ACTRT1: variants seen among roughly 807,000 people sequenced by gnomAD.
ACTRT1 encodes actin related protein T1.
A neutral mutation model predicts 1.4 loss-of-function variants in ACTRT1; 1 was observed. That is an observed-to-expected ratio of 0.69 (90% CI 0.25 to 3.28). ACTRT1 has a LOEUF of 3.28. Among genes scored for constraint, ACTRT1 ranks in the 30% most tolerant of loss-of-function variants. The probability of loss-of-function intolerance (pLI) is 0.20; values close to 1 mark genes in which losing one functional copy is unlikely to be tolerated. For synonymous variants in ACTRT1, 121 were observed against 115.2 expected, an observed-to-expected ratio of 1.05 and a Z score of -0.32; for missense variants, 334 against 291.5, an observed-to-expected ratio of 1.15 and a Z score of -1.06.
At position 128,052,320 on chromosome X, in the gene ACTRT1, A is replaced by G; in HGVS notation, c.-114T>C. ...TAAACTTCAGGGTTCTGAAGTTTCAAGTTGTCACCCATGTACAGCTAGTAG... is the reference window on the plus strand; with the variant it reads ...TAAACTTCAGGGTTCTGAAGTTTCAGGTTGTCACCCATGTACAGCTAGTAG... On this transcript the variant is annotated 5_prime_UTR_variant, in exon 1 of 1. Transcript: ENST00000371124. 1.2e-6 allele frequency: 1 copy of G among 867,832 alleles called. No individual in the cohort carries two copies. The highest frequency in any genetic ancestry group is 1.6e-6 in the Non-Finnish European group (1 of 623,221). 71.5% of individuals were successfully genotyped at this position (867,832 alleles called of 1,213,427 possible).
Position 128,052,182 on chromosome X carries a change from C to A in ACTRT1, c.25G>T (p.Val9Phe). The A allele has an allele frequency of 8.3e-7, 1 of 1,200,564 alleles. No homozygotes were observed. Among genetic ancestry groups the A allele is most frequent in the Non-Finnish European group, 1.1e-6 (1 of 889,733 alleles). Reference sequence around the variant, plus strand: ...CCATTGTCAAAAATTACAGCAGGAACATCTAATGCATGTGGATTAAACATG... The same window carrying A: ...CCATTGTCAAAAATTACAGCAGGAAAATCTAATGCATGTGGATTAAACATG... MFNPHALD[V>F]PAVIFDNGSG... Residue 9 changes from valine (V) to phenylalanine (F), a missense_variant, in exon 1 of 1, where the codon GTT (valine) becomes TTT (phenylalanine). Coordinates refer to ENST00000371124, the MANE Select transcript of ACTRT1 (RefSeq NM_138289.4).
At position 128,052,054 on chromosome X, in the gene ACTRT1, A is replaced by G; in HGVS notation, c.153T>C (p.Leu51=). The part of the protein sequence containing the change: ...HCKFNVPLAR[L]NQKYFVGQEA... ...CTTGCCCCACGAAGTACTTCTGATT[A>G]AGTCTTGCTAAAGGCACATTGAATT... is the stretch of plus-strand genomic sequence containing the variant. The change falls in exon 1 of 1, where the codon CTT becomes CTC. Residue 51 remains leucine, a synonymous_variant. Transcript: ENST00000371124. 1 of 1,211,796 alleles carries G rather than the reference A, an allele frequency of 8.3e-7. No individual in the cohort carries two copies. Among genetic ancestry groups the G allele is most frequent in the Non-Finnish European group, 1.1e-6 (1 of 895,542 alleles).
chrX:128,051,069 A>C lies in ACTRT1; in HGVS notation c.*7T>G. On this transcript the variant is annotated 3_prime_UTR_variant, in exon 1 of 1. Transcript: ENST00000371124. ...CACTTCAAGATGTCTCCTCTGCTCA[A>C]GGATCTTTAAAAGCACCTTCTTTGA... 1 of 1,203,541 alleles carries C rather than the reference A, an allele frequency of 8.3e-7. No homozygotes were observed. Among genetic ancestry groups the C allele is most frequent in the Non-Finnish European group, 1.1e-6 (1 of 890,457 alleles).
At position 128,051,731 on chromosome X, in the gene ACTRT1, C is replaced by T; in HGVS notation, c.476G>A (p.Gly159Glu). The T allele has an allele frequency of 8.3e-7, 1 of 1,211,203 alleles. No individual in the cohort carries two copies. The highest frequency in any genetic ancestry group is 1.1e-6 in the Non-Finnish European group (1 of 895,393). The change falls in exon 1 of 1, where the codon GGA (glycine) becomes GAA (glutamate). Residue 159 changes from glycine to glutamate, a missense_variant. Transcript: ENST00000371124. ...GGGGACAGTGCAAGTGACCCCATCT[C>T]CACTGTCCACCACCAGGCCTGTGAC... ...ACVTGLVVDS[G>E]DGVTCTVPIF...
rs201425054 is a variant in ACTRT1, at chrX:128,051,880, G to A, written c.327C>T (p.Thr109=). The A allele has an allele frequency of 3.1e-5, 37 of 1,209,640 alleles. No homozygotes were observed. Among genetic ancestry groups the A allele is most frequent in the South Asian group, 5.3e-5 (3 of 56,793 alleles). ...TTTCCCTAGGATTCAAAGAGGGCTC[G>A]GTCATAAGTACAGGCTGTTGGCTGG... ...VKPSQQPVLM[T]EPSLNPREIR... Residue 109 remains threonine, a synonymous_variant, in exon 1 of 1, where the codon ACC becomes ACT. Transcript: ENST00000371124.
Position 128,051,657 on chromosome X carries a change from C to A in ACTRT1, c.550G>T (p.Ala184Ser), listed in dbSNP as rs765631534. ...LPHAVTKLCM[A>S]GRDITEHLTR... ...AGGTGCTCTGTGATGTCCCTCCCTGCCATACAGAGTTTGGTGACTGCGTGA... is the reference window on the plus strand; with the variant it reads ...AGGTGCTCTGTGATGTCCCTCCCTGACATACAGAGTTTGGTGACTGCGTGA... The change falls in exon 1 of 1, where the codon GCA (alanine) becomes TCA (serine). Residue 184 changes from alanine to serine, a missense_variant. Ala to Ser is a moderately conservative substitution (Grantham distance 99). Transcript: ENST00000371124. 7 of 1,211,037 alleles carry A rather than the reference C, an allele frequency of 5.8e-6. No homozygotes were observed. The South Asian group carries it at 1.2e-4, about 21-fold the overall frequency.
Position 128,052,279 on chromosome X carries a change from C to A in ACTRT1, c.-73G>T. On this transcript the variant is annotated 5_prime_UTR_variant, in exon 1 of 1. Transcript: ENST00000371124. Reference sequence around the variant, plus strand: ...TTACGTCACTCTCTGAGATGACAGGCACCTTTAGAATTTTTTAAACTTCAG... The same window carrying A: ...TTACGTCACTCTCTGAGATGACAGGAACCTTTAGAATTTTTTAAACTTCAG... 3 of 1,086,717 alleles carry A rather than the reference C, an allele frequency of 2.8e-6. No individual in the cohort carries two copies. Among genetic ancestry groups the A allele is most frequent in the Non-Finnish European group, 3.7e-6 (3 of 816,966 alleles). 89.6% of individuals were successfully genotyped at this position (1,086,717 alleles called of 1,213,427 possible).
rs749467254 is a variant in ACTRT1 at position 128,051,303 on chromosome X, C to T, written c.904G>A (p.Gly302Arg). 26 of 1,207,645 alleles carry T rather than the reference C, an allele frequency of 2.2e-5. No individual in the cohort carries two copies. The highest frequency in any genetic ancestry group is 2.3e-4 in the Middle Eastern group (1 of 4,375). The change falls in exon 1 of 1, where the codon GGG becomes AGG. Residue 302 changes from glycine (G) to arginine (R), a missense_variant. Physicochemically the swap from Gly to Arg is moderately radical, Grantham distance 125. Coordinates refer to ENST00000371124, the MANE Select transcript of ACTRT1 (RefSeq NM_138289.4). ...NKLYADIVLS[G>R]GTTLLPGLEE... ...AGCCCAGGGAGGAGAGTGGTGCCCC[C>T]GGAGAGTACAATGTCTGCATAAAGT...
chrX:128,051,724 C>CCCATCT lies in ACTRT1; in HGVS notation c.477_482dup (p.Asp160_Gly161dup). ...CAAAGATGGGGACAGTGCAAGTGAC[C>CCCATCT]CCATCTCCACTGTCCACCACCAGGC... On this transcript the variant is annotated inframe_insertion, in exon 1 of 1. Transcript: ENST00000371124. 8.3e-7 allele frequency: 1 copy of CCCATCT among 1,211,079 alleles called. No homozygotes were observed.
In ACTRT1 at chrX:128,051,155, C is replaced by T; in HGVS notation, c.1052G>A (p.Ser351Asn). The T allele has an allele frequency of 1.7e-6, 2 of 1,210,008 alleles. No individual in the cohort carries two copies. The highest frequency in any genetic ancestry group is 2.2e-6 in the Non-Finnish European group (2 of 895,230). Residue 351 changes from serine to asparagine, a missense_variant, in exon 1 of 1, where the codon AGC (serine) becomes AAC (asparagine). Transcript: ENST00000371124. ...GGTGACCCACATCTGCTTGAAACTG[C>T]TCATAGAGGTCATGATGGATGCACC... ...WIGASIMTSMSSFKQMWVTSA... is the reference protein window; with the variant it reads ...WIGASIMTSMNSFKQMWVTSA...
chrX:128,052,380 A>C lies in ACTRT1; in HGVS notation c.-174T>G. 1 of 436,971 alleles carries C rather than the reference A, an allele frequency of 2.3e-6. No individual in the cohort carries two copies. The highest frequency in any genetic ancestry group is 3.8e-6 in the Non-Finnish European group (1 of 260,047). 36.0% of individuals were successfully genotyped at this position (436,971 alleles called of 1,213,427 possible). A position where few individuals can be genotyped will look rare whatever the true frequency, so the allele number is the denominator to read the frequency against. On this transcript the variant is annotated 5_prime_UTR_variant, in exon 1 of 1. Transcript: ENST00000371124. ...AGTCCACCAGGACACCCCATCCTCA[A>C]CCTCTGAATCTTATCTCCATTCTGT...
Position 128,051,014 on chromosome X carries a change from C to G in ACTRT1, c.*62G>C, listed in dbSNP as rs732182. ...TCATGCTGAAGCCCAGAAGAAAATG[C>G]CATCTCCCACTGGTACTCCTGTAAT... On this transcript the variant is annotated 3_prime_UTR_variant, in exon 1 of 1. Coordinates refer to ENST00000371124, the MANE Select transcript of ACTRT1 (RefSeq NM_138289.4). 0.061 allele frequency: 67,996 copies of G among 1,119,060 alleles called. 1,805 individuals carry two copies. Among genetic ancestry groups the G allele is most frequent in the African/African-American group, 0.17 (9,359 of 54,019 alleles). 92.2% of individuals were successfully genotyped at this position (1,119,060 alleles called of 1,213,427 possible). A position where few individuals can be genotyped will look rare whatever the true frequency, so the allele number is the denominator to read the frequency against.
Position 128,052,164 on chromosome X carries a change from CAA to C in ACTRT1, c.41_42del (p.Phe14Ter). The C allele has an allele frequency of 8.3e-7, 1 of 1,207,057 alleles. No individual in the cohort carries two copies. Among genetic ancestry groups the C allele is most frequent in the Non-Finnish European group, 1.1e-6 (1 of 893,319 alleles). On this transcript the variant is annotated frameshift_variant, in exon 1 of 1. Coordinates refer to ENST00000371124, the MANE Select transcript of ACTRT1 (RefSeq NM_138289.4). LOFTEE classifies it low-confidence loss of function (END_TRUNC). ...GCTTTGCAGAGTCCTGAACCATTGT[CAA>C]AAATTACAGCAGGAACATCTAATGC... ...PHALDVPAVI[F>X]DNGSGLCKAG...
chrX:128,051,400 G>A lies in ACTRT1; in HGVS notation c.807C>T (p.Gly269=). 1 of 1,210,575 alleles carries A rather than the reference G, an allele frequency of 8.3e-7. No homozygotes were observed. The highest frequency in any genetic ancestry group is 1.8e-5 in the South Asian group (1 of 56,861). Reference sequence around the variant, plus strand: ...TTTTTGAGAGTCCTGGGCTGTGGATGCCCAGCTGGTCAGGTGCAAAAAGAA... The same window carrying A: ...TTTTTGAGAGTCCTGGGCTGTGGATACCCAGCTGGTCAGGTGCAAAAAGAA... ...PEVLFAPDQL[G]IHSPGLSKMV... is the part of the protein sequence containing the mutation. The change falls in exon 1 of 1, where the codon GGC becomes GGT. Residue 269 remains glycine (G), a synonymous_variant. Transcript: ENST00000371124.
In ACTRT1 at chrX:128,052,025, G is replaced by T; in HGVS notation, c.182C>A (p.Ala61Asp). 1 of 1,211,409 alleles carries T rather than the reference G, an allele frequency of 8.3e-7. No individual in the cohort carries two copies. Among genetic ancestry groups the T allele is most frequent in the Non-Finnish European group, 1.1e-6 (1 of 895,402 alleles). Residue 61 changes from alanine (A) to aspartate (D), a missense_variant, in exon 1 of 1, where the codon GCC becomes GAC. By Grantham distance (126) the Ala-to-Asp change is moderately radical. Coordinates refer to ENST00000371124, the MANE Select transcript of ACTRT1 (RefSeq NM_138289.4). ...ATGTAGGGCCTCATACTTGTACAGG[G>T]CTTCTTGCCCCACGAAGTACTTCTG... ...LNQKYFVGQE[A>D]LYKYEALHLH...
rs1172634381 is a variant in ACTRT1, at chrX:128,051,905, G to C, written c.302C>G (p.Pro101Arg). Residue 101 changes from proline (P) to arginine (R), a missense_variant, in exon 1 of 1, where the codon CCC (proline) becomes CGC (arginine). Pro to Arg is a moderately radical substitution (Grantham distance 103). Transcript: ENST00000371124. ...HLFERELGVK[P>R]SQQPVLMTEP... ...GGTCATAAGTACAGGCTGTTGGCTG[G>C]GTTTTACTCCAAGCTCCCGCTCAAA... 8 of 1,209,840 alleles carry C rather than the reference G, an allele frequency of 6.6e-6. No homozygotes were observed. The highest frequency in any genetic ancestry group is 7.8e-6 in the Non-Finnish European group (7 of 895,241).
chrX:128,051,564 T>A lies in ACTRT1; in HGVS notation c.643A>T (p.Ile215Phe), dbSNP rs1339620275. 1 of 1,211,319 alleles carries A rather than the reference T, an allele frequency of 8.3e-7. No individual in the cohort carries two copies. Among genetic ancestry groups the A allele is most frequent in the Non-Finnish European group, 1.1e-6 (1 of 895,439 alleles). The change falls in exon 1 of 1, where the codon ATC becomes TTC. Residue 215 changes from isoleucine (I) to phenylalanine (F), a missense_variant. By Grantham distance (21) the Ile-to-Phe change is conservative. Transcript: ENST00000371124. ...CILNKAVVNN[I>F]KEKLCYIALE... ...GCGATGTAGCACAACTTCTCTTTGATGTTATTTACCACGGCCTTGTTGAGT... is the reference window on the plus strand; with the variant it reads ...GCGATGTAGCACAACTTCTCTTTGAAGTTATTTACCACGGCCTTGTTGAGT...
chrX:128,051,199 T>C lies in ACTRT1; in HGVS notation c.1008A>G (p.Arg336=). 1 of 1,210,691 alleles carries C rather than the reference T, an allele frequency of 8.3e-7. No homozygotes were observed. The highest frequency in any genetic ancestry group is 1.8e-5 in the South Asian group (1 of 56,862). Residue 336 remains arginine (R), a synonymous_variant, in exon 1 of 1, where the codon AGA becomes AGG. Coordinates refer to ENST00000371124, the MANE Select transcript of ACTRT1 (RefSeq NM_138289.4). ...TPIKITASPD[R]CFSAWIGASI... ...ATGCACCAATCCATGCAGAGAAGCA[T>C]CTATCAGGAGAAGCTGTGATCTTGA...
Position 128,051,179 on chromosome X carries a change from C to T in ACTRT1, c.1028G>A (p.Gly343Asp), listed in dbSNP as rs1221510583. ...GCTCATAGAGGTCATGATGGATGCA[C>T]CAATCCATGCAGAGAAGCATCTATC... ...SPDRCFSAWIGASIMTSMSSF... is the reference protein window; with the variant it reads ...SPDRCFSAWIDASIMTSMSSF... Residue 343 changes from glycine (G) to aspartate (D), a missense_variant, in exon 1 of 1, where the codon GGT (glycine) becomes GAT (aspartate). By Grantham distance (94) the Gly-to-Asp change is moderately conservative. Transcript: ENST00000371124. 2.5e-6 allele frequency: 3 copies of T among 1,210,137 alleles called. No individual in the cohort carries two copies. In the South Asian group the frequency reaches 5.3e-5, roughly 21 times the overall value.
Sources: gnomAD v4.1 joint callset for allele counts on GRCh38, gnomAD v4.1.1 for gene constraint, MANE v1.5 for transcripts, NCBI Gene and HGNC (gene_info 2026-07-23, HGNC 2026-07-21) for gene names.